CLSTN2: variants seen among roughly 807,000 people sequenced by gnomAD.
CLSTN2 encodes the protein calsyntenin-2.
Under a neutral mutation model 101.2 loss-of-function variants are expected in CLSTN2, and 48 were observed. That is an observed-to-expected ratio of 0.47 (90% CI 0.38 to 0.60). CLSTN2 has a LOEUF of 0.60. CLSTN2 is among the 20% of genes least tolerant of loss of function. The pLI, the probability that CLSTN2 is intolerant of heterozygous loss-of-function variation, is 0.00. For synonymous variants in CLSTN2, 481 were observed against 463.6 expected (o/e 1.04, Z -0.48); for missense variants, 1,160 against 1,238.2 (o/e 0.94, Z 0.95).
chr3:140,361,173 A>G (rs9810564), intron 2 of CLSTN2, among the ~76,000 whole-genome samples: 15,216 of 152,192 alleles, frequency 0.1, 911 homozygotes, highest in East Asian at 0.22. Flanking sequence ...AGTTGGATTC[A>G]GCCTAGAAAC....
At position 140,188,415 on chromosome 3, in the gene CLSTN2, T is replaced by C. The variant is rs188182768; in HGVS notation, c.232+12342T>C. Among the ~76,000 whole-genome samples the C allele has an allele frequency of 2.5e-4, 38 of 152,272 alleles. 1 individual carries two copies. The East Asian group carries it at 5.6e-3, about 22-fold the overall frequency. On this transcript the variant is annotated intron_variant, in intron 2 of 16. Coordinates refer to ENST00000458420, the MANE Select transcript of CLSTN2 (RefSeq NM_022131.3). ...GCTTACAACCTACCACTAAGAAGCA[T>C]GGTGGTAGGGAGAGAGGGGCATGCC... is the stretch of plus-strand genomic sequence containing the variant.
chr3:140,410,629 A>C (rs2088353898), intron 4 of CLSTN2, among the ~76,000 whole-genome samples: 1 of 152,192 alleles, frequency 6.6e-6, no homozygotes, highest in African/African-American at 2.4e-5. Flanking sequence ...TGAAACTCAC[A>C]GGTAAAAATC....
intron 1 of CLSTN2, among the ~76,000 whole-genome samples, chr3:140,109,277 A>T (rs1207941204): frequency 6.6e-6 from 1 of 152,136 alleles, no homozygotes; most frequent in African/African-American, 2.4e-5. Context: ...CCAGAAATCC[A>T]GGTATTACTG....
chr3:140,133,127 G>A (rs536118110), intron 1 of CLSTN2, among the ~76,000 whole-genome samples: 19 of 152,170 alleles, frequency 1.2e-4, no homozygotes, highest in African/African-American at 4.1e-4. Context: ...AGCAGAAGTC[G>A]AAGTGGGTGT....
At chr3:140,143,544 G>A (rs892999360) in intron 1 of CLSTN2, among the ~76,000 whole-genome samples, 20 of 152,170 alleles carry the variant, frequency 1.3e-4, no homozygotes, top group Non-Finnish European at 4.4e-5. Flanking sequence ...CACCCTCACA[G>A]ATACACCCAG....
In CLSTN2 at chr3:140,175,913, A is replaced by G. The variant is rs748573713; in HGVS notation, c.110-38A>G. On this transcript the variant is annotated intron_variant, in intron 1 of 16. Transcript: ENST00000458420. The stretch of plus-strand genomic sequence containing the variant: ...ACATTATTATGGGTTTGTTATTTAA[A>G]TAATGATCCTTTTTGTTTTTTCCCC... The G allele has an allele frequency of 3.1e-6, 5 of 1,591,804 alleles. No individual in the cohort carries two copies. In the African/African-American group the frequency reaches 4.0e-5, roughly 13 times the overall value.
intron 2 of CLSTN2, among the ~76,000 whole-genome samples, chr3:140,344,291 G>A (rs1403267598): frequency 6.6e-6 from 1 of 152,168 alleles, no homozygotes; most frequent in Non-Finnish European, 1.5e-5. Flanking sequence ...ACATGATGCT[G>A]TCATGGCAAA....
At chr3:139,984,240 C>T (rs117021272) in intron 1 of CLSTN2, among the ~76,000 whole-genome samples, 1 of 152,330 alleles carries the variant, frequency 6.6e-6, no homozygotes, top group East Asian at 1.9e-4. Flanking sequence ...TAGGTTGTTA[C>T]TCCAGAAACT....
At chr3:139,942,829 C>G (rs1935155350) in intron 1 of CLSTN2, among the ~76,000 whole-genome samples, 1 of 152,132 alleles carries the variant, frequency 6.6e-6, no homozygotes, top group Non-Finnish European at 1.5e-5. Flanking sequence ...ACCATGGCCA[C>G]TTGAAGCCCA....
intron 1 of CLSTN2, among the ~76,000 whole-genome samples, chr3:140,114,494 C>G (rs2009208175): frequency 6.6e-6 from 1 of 152,146 alleles, no homozygotes; most frequent in Non-Finnish European, 1.5e-5. Context: ...AAAGCTGAAT[C>G]ACCTAGCCCA....
chr3:140,184,213 T>C (rs2010452310), intron 2 of CLSTN2, among the ~76,000 whole-genome samples: 2 of 152,236 alleles, frequency 1.3e-5, no homozygotes, highest in Admixed American at 1.3e-4. Flanking sequence ...TAAAAGCACA[T>C]TGGCAAGCAG....
chr3:140,573,526 A>ACTC lies in CLSTN2; in HGVS notation c.*7274_*7276dup. On this transcript the variant is annotated 3_prime_UTR_variant, in exon 17 of 17. Coordinates refer to ENST00000458420, the MANE Select transcript of CLSTN2 (RefSeq NM_022131.3). ...CAGCAACTATTGATTTATAGCTTAA[A>ACTC]CTCTGTGAAGGTCCACAGACCTTTG... The ACTC allele has an allele frequency of 6.6e-6, 1 of 152,146 alleles. No individual in the cohort carries two copies. The highest frequency in any genetic ancestry group is 1.9e-4 in the East Asian group (1 of 5,168). 9.4% of individuals were successfully genotyped at this position (152,146 alleles called of 1,614,324 possible).
At chr3:140,373,098 G>A (rs1049922096) in intron 2 of CLSTN2, among the ~76,000 whole-genome samples, 14 of 152,150 alleles carry the variant, frequency 9.2e-5, no homozygotes, top group African/African-American at 3.4e-4. Flanking sequence ...TTTTTAAAAA[G>A]CTAAAAAGGC....
intron 5 of CLSTN2, among the ~76,000 whole-genome samples, chr3:140,427,155 G>A (rs541669546): frequency 4.0e-5 from 5 of 124,386 alleles, no homozygotes; most frequent in South Asian, 5.1e-4. Context: ...CTGCCTGGGC[G>A]ACAGAGTGAG....
At chr3:140,529,860 C>A (rs1042095233) in intron 8 of CLSTN2, among the ~76,000 whole-genome samples, 2 of 152,248 alleles carry the variant, frequency 1.3e-5, no homozygotes, top group Admixed American at 1.3e-4. Flanking sequence ...TCTTTTGTGA[C>A]CCATATTAAA....
intron 1 of CLSTN2, among the ~76,000 whole-genome samples, chr3:139,937,746 A>AAAAC (rs201494181): frequency 0.018 from 2,766 of 152,094 alleles, 74 homozygotes; most frequent in East Asian, 0.13. Context: ...CTCCGTCTCA[A>AAAAC]AAACAAACAA....
At position 140,515,563 on chromosome 3, in the gene CLSTN2, G is replaced by T. The variant is rs573021453; in HGVS notation, c.1345-16761G>T. On this transcript the variant is annotated intron_variant, in intron 8 of 16. Transcript: ENST00000458420. ...TGTATCCAAGAGGTTTCGATGGGTT[G>T]TATCACTATTATAATTCAATTCAAA... Among the ~76,000 whole-genome samples the T allele has an allele frequency of 7.2e-5, 11 of 152,198 alleles. No homozygotes were observed. In the East Asian group the frequency reaches 1.4e-3, roughly 19 times the overall value.
chr3:140,489,193 TC>T (rs1406032869), intron 8 of CLSTN2, among the ~76,000 whole-genome samples: 16 of 152,058 alleles, frequency 1.1e-4, no homozygotes, highest in Admixed American at 8.5e-4. Flanking sequence ...GGGAGGAGAA[TC>T]GTGGTTGACA....
chr3:140,532,975 G>C (rs1935288514), intron 9 of CLSTN2, among the ~76,000 whole-genome samples: 1 of 152,212 alleles, frequency 6.6e-6, no homozygotes, highest in Admixed American at 6.5e-5. Flanking sequence ...TTGTCCACAA[G>C]CCACAAGGCC....
Sources: gnomAD v4.1 joint callset for allele counts (sites outside exome capture counted in the v4.1 genomes callset) on GRCh38, gnomAD v4.1.1 for gene constraint, MANE v1.5 for transcripts, NCBI Gene and HGNC (gene_info 2026-07-23, HGNC 2026-07-21) for gene names.